Variants in REPS2 observed in about 807,000 individuals in gnomAD.
REPS2 encodes ralBP1-associated Eps domain-containing protein 2.
REPS2 carries 23 observed loss-of-function variants against 53.6 expected under a neutral mutation model. The observed-to-expected ratio is 0.43, with a 90% confidence interval of 0.31 to 0.61. REPS2 has a LOEUF of 0.61. Ranked by LOEUF, REPS2 falls within the 20% of genes least tolerant of loss-of-function variation. The pLI is 0.11. For synonymous variants in REPS2, 238 were observed against 218.6 expected (o/e 1.09, Z -0.78); for missense variants, 446 against 534.9 (o/e 0.83, Z 1.64).
intron 8 of REPS2, among the ~76,000 whole-genome samples, chrX:17,061,499 G>T (rs2062158605): frequency 8.9e-6 from 1 of 112,350 alleles, no homozygotes; most frequent in African/African-American, 3.2e-5. Context: ...GGGAGTGGGA[G>T]GGTGGGGAAG....
chrX:17,157,126 C>G (rs996022052), downstream of REPS2, among the ~76,000 whole-genome samples: 6 of 111,537 alleles, frequency 5.4e-5, no homozygotes, highest in Non-Finnish European at 9.4e-5. Flanking sequence ...CCAGAACCAC[C>G]ACATTGCACA....
chrX:16,946,696 A>T lies in REPS2; in HGVS notation c.-166A>T. On this transcript the variant is annotated 5_prime_UTR_variant, in exon 1 of 18. Transcript: ENST00000357277. ...GGGGGTGGGGCCGGCGCGCGCCGGG[A>T]GGAAGCGGCCGCGCGGCAGCTGCGG... is the stretch of plus-strand genomic sequence containing the variant. 1.2e-5 allele frequency: 4 copies of T among 343,099 alleles called. No homozygotes were observed. Among genetic ancestry groups the T allele is most frequent in the Non-Finnish European group, 1.5e-5 (4 of 272,087 alleles). The allele number at this position is 343,099 out of a possible 1,213,427, so 28.3% of individuals were successfully genotyped here.
intron 14 of REPS2, among the ~76,000 whole-genome samples, chrX:17,132,934 A>G (rs1390640572): frequency 1.8e-5 from 2 of 112,394 alleles, no homozygotes; most frequent in Non-Finnish European, 3.8e-5. Context: ...AAGGCATAAA[A>G]ACAATTCTGC....
chrX:16,963,100 T>TA lies in REPS2; in HGVS notation c.273+15978dup, dbSNP rs1228703908. On this transcript the variant is annotated intron_variant, in intron 1 of 17. Coordinates refer to ENST00000357277, the MANE Select transcript of REPS2 (RefSeq NM_004726.3). ...CGTGACAGAGTGAGACCCTGTCTCT[T>TA]AAAAAAAAAAAAGATTAAAAAATAG... is the stretch of plus-strand genomic sequence containing the variant. Among the ~76,000 whole-genome samples, 284 of 105,083 alleles carry TA rather than the reference T, an allele frequency of 2.7e-3. 1 individual carries two copies. Among genetic ancestry groups the TA allele is most frequent in the African/African-American group, 7.6e-3 (220 of 29,118 alleles). 91.3% of individuals were successfully genotyped at this position (105,083 alleles called of 115,157 possible).
At chrX:17,101,182 T>C (rs2062792959) in intron 13 of REPS2, among the ~76,000 whole-genome samples, 1 of 107,721 alleles carries the variant, frequency 9.3e-6, no homozygotes, top group African/African-American at 3.4e-5. Context: ...GCCTCCCAAA[T>C]AGCTGGGACT....
intron 1 of REPS2, among the ~76,000 whole-genome samples, chrX:16,963,892 T>C (rs2060697760): frequency 1.8e-5 from 2 of 111,421 alleles, no homozygotes; most frequent in Admixed American, 1.9e-4. Flanking sequence ...AAACAGTTCC[T>C]TGGGAAAGGT....
At chrX:17,189,483 C>T in the REPS2 span, among the ~76,000 whole-genome samples, 5 of 110,406 alleles carry the variant, frequency 4.5e-5, no homozygotes, top group Admixed American at 2.9e-4. Flanking sequence ...GATGGGGTTT[C>T]GTCATGTTGC....
intron 11 of REPS2, 34 bp from the exon 12 acceptor site, chrX:17,074,080 C>A (rs776927958): frequency 1.7e-6 from 2 of 1,194,940 alleles, no homozygotes; most frequent in Non-Finnish European, 2.3e-6. Flanking sequence ...TGTTTAACTG[C>A]AGAAATGAAA....
intron 5 of REPS2, among the ~76,000 whole-genome samples, chrX:17,045,039 C>T (rs1216976953): frequency 9.0e-6 from 1 of 111,406 alleles, no homozygotes; most frequent in African/African-American, 3.3e-5. Context: ...AAGTGATTCT[C>T]CTGCCTCAGC....
intron 1 of REPS2, among the ~76,000 whole-genome samples, chrX:16,984,064 T>C (rs2061058411): frequency 8.9e-6 from 1 of 112,885 alleles, no homozygotes; most frequent in African/African-American, 3.2e-5. Context: ...CTTAGCACTT[T>C]AACACAACAA....
At chrX:17,163,579 A>G in the REPS2 span, among the ~76,000 whole-genome samples, 1 of 112,179 alleles carries the variant, frequency 8.9e-6, no homozygotes, top group African/African-American at 3.2e-5. Flanking sequence ...GAATCTTGAA[A>G]GTAGCAAAAG....
rs189130214 is a variant in REPS2 at position 17,062,692 on chromosome X, C to T, written c.1209+160C>T. On this transcript the variant is annotated intron_variant, in intron 9 of 17. Transcript: ENST00000357277. ...CTTGGTAATTATTAATACTTTGATG[C>T]TCAGCCTTTCAGATCTAGACACCAG... is the stretch of plus-strand genomic sequence containing the variant. Among the ~76,000 whole-genome samples, 494 of 111,588 alleles carry T rather than the reference C, an allele frequency of 4.4e-3. 1 individual carries two copies. Among genetic ancestry groups the T allele is most frequent in the African/African-American group, 0.016 (482 of 30,698 alleles).
chrX:17,099,385 C>T (rs934509922), intron 13 of REPS2, among the ~76,000 whole-genome samples: 3 of 111,166 alleles, frequency 2.7e-5, no homozygotes, highest in Non-Finnish European at 3.8e-5. Context: ...ACATTTGCTA[C>T]GCTGTAAAAA....
the REPS2 span, among the ~76,000 whole-genome samples, chrX:17,159,316 C>T: frequency 8.9e-6 from 1 of 111,772 alleles, no homozygotes; most frequent in East Asian, 2.8e-4. Flanking sequence ...AACTTCCTTA[C>T]TTTCTACCTC....
At chrX:17,049,309 C>T (rs1369921628) in intron 6 of REPS2, among the ~76,000 whole-genome samples, 2 of 112,063 alleles carry the variant, frequency 1.8e-5, no homozygotes, top group Non-Finnish European at 1.9e-5. Context: ...CAGAAGAAGG[C>T]ATTGTTATCC....
At chrX:17,177,521 C>G in the REPS2 span, among the ~76,000 whole-genome samples, 2 of 111,724 alleles carry the variant, frequency 1.8e-5, no homozygotes, top group African/African-American at 6.5e-5. Flanking sequence ...GGGAGGCAGG[C>G]CTTGTGGCTT....
At chrX:17,097,391 G>A (rs1178309248) in intron 13 of REPS2, among the ~76,000 whole-genome samples, 2 of 111,970 alleles carry the variant, frequency 1.8e-5, no homozygotes, top group Non-Finnish European at 1.9e-5. Flanking sequence ...TGGAAATTAG[G>A]AAGCTTTTAG....
At chrX:17,105,184 A>G (rs1003555006) in intron 14 of REPS2, among the ~76,000 whole-genome samples, 73 of 111,175 alleles carry the variant, frequency 6.6e-4, no homozygotes, top group Non-Finnish European at 6.8e-4. Context: ...CTGAGTGTCT[A>G]TGTGTACAGC....
chrX:16,990,649 T>C (rs1163285688), intron 1 of REPS2, among the ~76,000 whole-genome samples: 1 of 106,640 alleles, frequency 9.4e-6, no homozygotes, highest in Non-Finnish European at 1.9e-5. Context: ...CTTGTGAGCA[T>C]GAAAATGTTC....
Sources: gnomAD v4.1 joint callset for allele counts (sites outside exome capture counted in the v4.1 genomes callset) on GRCh38, gnomAD v4.1.1 for gene constraint, MANE v1.5 for transcripts, NCBI Gene and HGNC (gene_info 2026-07-23, HGNC 2026-07-21) for gene names.